The following UPF2 variants were observed in gnomAD, a reference collection of about 807,000 sequenced individuals.
UPF2 encodes UPF2 regulator of nonsense mediated mRNA decay.
UPF2 carries 17 observed loss-of-function variants against 141.4 expected under a neutral mutation model. That is an observed-to-expected ratio of 0.12 (90% CI 0.08 to 0.18). The LOEUF (loss-of-function observed/expected upper bound fraction) is 0.18. Ranked by LOEUF, UPF2 falls within the 10% of genes least tolerant of loss-of-function variation. The pLI is 1.00. For synonymous variants in UPF2, 540 were observed against 498.0 expected, an observed-to-expected ratio of 1.08 and a Z score of -1.12; for missense variants, 1,152 against 1,515.9, an observed-to-expected ratio of 0.76 and a Z score of 3.99.
chr10:11,949,479 C>T (rs1833046801), intron 15 of UPF2, among the ~76,000 whole-genome samples: 1 of 152,226 alleles, frequency 6.6e-6, no homozygotes, highest in South Asian at 2.1e-4. Flanking sequence ...ATGTGGAGAA[C>T]TTACAGCATC....
intron 11 of UPF2, among the ~76,000 whole-genome samples, chr10:11,960,318 G>A (rs1367223438): frequency 1.3e-5 from 2 of 152,126 alleles, no homozygotes; most frequent in Admixed American, 1.3e-4. Flanking sequence ...AAGCTGAGGT[G>A]AGAGAGTCCC....
chr10:12,037,696 C>T (rs1188185251), intron 1 of UPF2, among the ~76,000 whole-genome samples: 1 of 151,740 alleles, frequency 6.6e-6, no homozygotes, highest in African/African-American at 2.4e-5. Flanking sequence ...CCGGCCAGCC[C>T]TTCGTTTTTT....
intron 4 of UPF2, among the ~76,000 whole-genome samples, chr10:12,010,699 TTGA>T (rs952094172): frequency 3.4e-4 from 52 of 152,200 alleles, no homozygotes; most frequent in African/African-American, 1.2e-3. Flanking sequence ...TTTTCCTAAT[TTGA>T]TGATAACTAT....
intron 3 of UPF2, among the ~76,000 whole-genome samples, chr10:12,024,818 A>G (rs1364627733): frequency 1.3e-5 from 2 of 150,144 alleles, no homozygotes; most frequent in Admixed American, 6.7e-5. Context: ...CTGTAGTCTC[A>G]GCTACTTGAC....
rs746519962 is a variant in UPF2, at chr10:12,035,336, T to A, written c.88A>T (p.Thr30Ser). 6 of 1,612,260 alleles carry A rather than the reference T, an allele frequency of 3.7e-6. No individual in the cohort carries two copies. In the East Asian group the frequency reaches 1.3e-4, roughly 36 times the overall value. ...NKEKDCSERR[T>S]VSSKERPKDD... is the part of the protein sequence containing the mutation. ...TTTGGCCTCTCCTTGCTGCTCACTG[T>A]CCGCCTTTCACTGCAGTCTTTTTCC... The change falls in exon 2 of 22, where the codon ACA becomes TCA. Residue 30 changes from threonine (T) to serine (S), a missense_variant. Thr to Ser is a moderately conservative substitution (Grantham distance 58, BLOSUM62 1). Transcript: ENST00000357604.
chr10:11,983,268 C>T (rs1833629236), intron 8 of UPF2, among the ~76,000 whole-genome samples: 1 of 152,214 alleles, frequency 6.6e-6, no homozygotes, highest in Non-Finnish European at 1.5e-5. Flanking sequence ...GGGACATTCA[C>T]ATAGTTACTT....
intron 21 of UPF2, among the ~76,000 whole-genome samples, chr10:11,923,906 A>G (rs1011277252): frequency 5.3e-5 from 8 of 152,190 alleles, no homozygotes; most frequent in African/African-American, 1.9e-4. Context: ...AAATAATAAT[A>G]AAAGAAACTA....
Sources: gnomAD v4.1 joint callset for allele counts (sites outside exome capture counted in the v4.1 genomes callset) on GRCh38, gnomAD v4.1.1 for gene constraint, MANE v1.5 for transcripts, NCBI Gene and HGNC (gene_info 2026-07-23, HGNC 2026-07-21) for gene names.